FLYWCH1: variants seen among roughly 807,000 people sequenced by gnomAD.
The protein encoded by FLYWCH1 is FLYWCH-type zinc finger-containing protein 1.
Under a neutral mutation model 66.4 loss-of-function variants are expected in FLYWCH1, and 75 were observed. The ratio of observed to expected loss-of-function variants is 1.13; its 90% CI spans 0.94 to 1.37. The LOEUF (loss-of-function observed/expected upper bound fraction) is 1.37, where lower values mean the gene tolerates loss of function less well. Ranked by LOEUF, FLYWCH1 falls within the 40% of genes most tolerant of loss-of-function variation. The pLI, the probability that FLYWCH1 is intolerant of heterozygous loss-of-function variation, is 0.00. For missense variants in FLYWCH1, 1,334 were observed against 1,001.8 expected (o/e 1.33, Z -4.48); for synonymous variants, 595 against 429.9 (o/e 1.38, Z -4.75).
At chr16:2,936,768 G>A (rs565701534) in intron 6 of FLYWCH1, 3 of 504,864 alleles carry the variant, frequency 5.9e-6, no homozygotes, top group African/African-American at 3.8e-5. Context: ...GAGGGCCCCG[G>A]GTCATTCCTC....
intron 4 of FLYWCH1, among the ~76,000 whole-genome samples, chr16:2,931,532 C>G (rs2070762234): frequency 6.6e-6 from 1 of 151,754 alleles, no homozygotes; most frequent in African/African-American, 2.4e-5. Context: ...GGGAGGATCA[C>G]TTAAGCTAGG....
In FLYWCH1 at chr16:2,938,420, G is replaced by C; in HGVS notation, c.2014G>C (p.Glu672Gln). The C allele has an allele frequency of 3.3e-6, 5 of 1,536,596 alleles. No individual in the cohort carries two copies. The highest frequency in any genetic ancestry group is 4.4e-6 in the Non-Finnish European group (5 of 1,141,862). ...LAGLEALRQRERLPTTAQQED... is the reference protein window; with the variant it reads ...LAGLEALRQRQRLPTTAQQED... ...AGGCCTGGAGGCCTTGAGGCAACGGGAGCGGCTCCCCACCACGGCCCAGCA... is the reference window on the plus strand; with the variant it reads ...AGGCCTGGAGGCCTTGAGGCAACGGCAGCGGCTCCCCACCACGGCCCAGCA... The change falls in exon 8 of 10, where the codon GAG (glutamate) becomes CAG (glutamine). Residue 672 changes from glutamate (E) to glutamine (Q), a missense_variant. Coordinates refer to ENST00000253928, the MANE Select transcript of FLYWCH1 (RefSeq NM_001308068.2).
rs528790343 is a variant in FLYWCH1 at position 2,948,558 on chromosome 16, G to A, written c.2112-130G>A. 1,141 of 938,752 alleles carry A rather than the reference G, an allele frequency of 1.2e-3. 2 individuals are homozygous for A. The highest frequency in any genetic ancestry group is 1.6e-3 in the Non-Finnish European group (977 of 610,724). The allele number at this position is 938,752 out of a possible 1,614,324, so 58.2% of individuals were successfully genotyped here. Reference sequence around the variant, plus strand: ...AGCCTGGGTGACAGAGCAAGATTCCGTCTCAAAAATAAATGTTCTAGACTG... The same window carrying A: ...AGCCTGGGTGACAGAGCAAGATTCCATCTCAAAAATAAATGTTCTAGACTG... On this transcript the variant is annotated intron_variant, in intron 9 of 9. Transcript: ENST00000253928.
At chr16:2,938,037 C>CAGAGGG in intron 7 of FLYWCH1, 147 bp from the exon 8 acceptor site, 1 of 779,532 alleles carries the variant, frequency 1.3e-6, no homozygotes, top group Non-Finnish European at 2.0e-6. Context: ...CTGCAGGGCC[C>CAGAGGG]AGAGGGGAGG....
Position 2,937,007 on chromosome 16 carries a change from C to T in FLYWCH1, c.1514-114C>T, listed in dbSNP as rs528094647. 10 of 1,279,524 alleles carry T rather than the reference C, an allele frequency of 7.8e-6. No individual in the cohort carries two copies. The Admixed American group carries it at 1.1e-4, about 14-fold the overall frequency. 79.3% of individuals were successfully genotyped at this position (1,279,524 alleles called of 1,614,324 possible). On this transcript the variant is annotated intron_variant, in intron 6 of 9. Transcript: ENST00000253928. Reference sequence around the variant, plus strand: ...GCATCTGTGTCCTGGGCTCCGGGGCCACCTCACTGTGAGGAGGAGGTGTGG... The same window carrying T: ...GCATCTGTGTCCTGGGCTCCGGGGCTACCTCACTGTGAGGAGGAGGTGTGG...
intron 4 of FLYWCH1, among the ~76,000 whole-genome samples, chr16:2,932,452 T>C (rs1021661936): frequency 2.6e-5 from 4 of 152,086 alleles, no homozygotes; most frequent in East Asian, 3.9e-4. Flanking sequence ...TTGTGTAAAT[T>C]GCACATTTGG....
At chr16:2,912,410 C>T (rs890727522) in intron 1 of FLYWCH1, among the ~76,000 whole-genome samples, 9 of 147,442 alleles carry the variant, frequency 6.1e-5, no homozygotes, top group African/African-American at 1.5e-4. Context: ...CGTTTCCTGG[C>T]GGTGTCTGCC....
At chr16:2,934,901 G>T in intron 6 of FLYWCH1, 2 of 209,658 alleles carry the variant, frequency 9.5e-6, no homozygotes, top group Non-Finnish European at 1.9e-5. Context: ...CAGCTACTCA[G>T]TGCACTTCTT....
intron 2 of FLYWCH1, among the ~76,000 whole-genome samples, chr16:2,920,690 T>TGCCC: frequency 6.6e-6 from 1 of 151,424 alleles, no homozygotes; most frequent in Non-Finnish European, 1.5e-5. Context: ...TGCAGGCATA[T>TGCCC]GCCACCATGC....
intron 2 of FLYWCH1, among the ~76,000 whole-genome samples, chr16:2,925,634 T>C (rs1019899298): frequency 6.6e-6 from 1 of 150,524 alleles, no homozygotes; most frequent in African/African-American, 2.4e-5. Flanking sequence ...GCCGCTCTGC[T>C]CGAGAGGCGC....
chr16:2,933,970 G>A lies in FLYWCH1; in HGVS notation c.1504G>A (p.Gly502Arg), dbSNP rs939446540. ...REKRPNTAQR[G>R]SPGGPEFLKT... ...GAAACGCCCCAACACGGCGCAGCGG[G>A]GGAGCCCAGGTACCTGGGGGTGGGC... is the stretch of plus-strand genomic sequence containing the variant. Residue 502 changes from glycine (G) to arginine (R), a missense_variant, in exon 6 of 10, where the codon GGG becomes AGG. Physicochemically the swap from Gly to Arg is moderately radical, Grantham distance 125. Coordinates refer to ENST00000253928, the MANE Select transcript of FLYWCH1 (RefSeq NM_001308068.2). 1 of 1,535,554 alleles carries A rather than the reference G, an allele frequency of 6.5e-7. No individual in the cohort carries two copies. Among genetic ancestry groups the A allele is most frequent in the African/African-American group, 1.4e-5 (1 of 73,108 alleles).
In FLYWCH1 at chr16:2,930,720, G is replaced by A. The variant is rs1596372441; in HGVS notation, c.636G>A (p.Val212=). Residue 212 remains valine (V), a synonymous_variant, in exon 4 of 10, where the codon GTG becomes GTA. Transcript: ENST00000253928. ...PQGPEGPGGR[V]EEPLEGVGPW... is the part of the protein sequence containing the mutation. ...GTCCTGAGGGCCCTGGAGGCCGAGT[G>A]GAGGAGCCCCTGGAGGGGGTGGGCC... 1 of 1,548,332 alleles carries A rather than the reference G, an allele frequency of 6.5e-7. No homozygotes were observed. Among genetic ancestry groups the A allele is most frequent in the African/African-American group, 1.4e-5 (1 of 73,270 alleles).
At chr16:2,938,531 G>A in intron 8 of FLYWCH1, 75 bp downstream of exon 8, 1 of 1,407,570 alleles carries the variant, frequency 7.1e-7, no homozygotes, top group South Asian at 1.6e-5. Context: ...GATGCCCCAG[G>A]CCAGGCACCC....
intron 2 of FLYWCH1, among the ~76,000 whole-genome samples, chr16:2,919,489 C>T (rs914645007): frequency 5.9e-5 from 9 of 152,026 alleles, no homozygotes; most frequent in Admixed American, 3.3e-4. Flanking sequence ...TGGTTTCGAT[C>T]TCTTGACCTC....
chr16:2,931,478 T>C (rs77510829), intron 4 of FLYWCH1, among the ~76,000 whole-genome samples: 6,851 of 149,816 alleles, frequency 0.046, 230 homozygotes, highest in Middle Eastern at 0.11. Flanking sequence ...CAGCCAGCTG[T>C]TGTGGTGTGT....
At position 2,941,606 on chromosome 16, in the gene FLYWCH1, G is replaced by C. The variant is rs111662165; in HGVS notation, c.2111+1514G>C. Among the ~76,000 whole-genome samples, 227 of 151,494 alleles carry C rather than the reference G, an allele frequency of 1.5e-3. 1 individual carries two copies. The highest frequency in any genetic ancestry group is 5.1e-3 in the African/African-American group (209 of 41,320). ...AAATGAATAAACAGGGCCAAGCATG[G>C]TGGCTCACACCTGTAATCCTAGCAT... On this transcript the variant is annotated intron_variant, in intron 9 of 9. Transcript: ENST00000253928.
intron 9 of FLYWCH1, among the ~76,000 whole-genome samples, chr16:2,941,196 T>G (rs2071247965): frequency 6.6e-6 from 1 of 152,184 alleles, no homozygotes; most frequent in Non-Finnish European, 1.5e-5. Context: ...CTCACGCCTG[T>G]AATCTCAACA....
At chr16:2,917,519 A>T (rs932799002) in intron 2 of FLYWCH1, among the ~76,000 whole-genome samples, 25 of 151,938 alleles carry the variant, frequency 1.6e-4, no homozygotes, top group African/African-American at 6.0e-4. Flanking sequence ...GTGAGCCACC[A>T]TGCCCGGCCG....
chr16:2,924,731 T>C (rs920647112), intron 2 of FLYWCH1, among the ~76,000 whole-genome samples: 1 of 152,144 alleles, frequency 6.6e-6, no homozygotes, highest in Non-Finnish European at 1.5e-5. Context: ...CTGTGGACTT[T>C]AACGGGCGGA....
Sources: allele counts gnomAD v4.1 joint callset (sites outside exome capture counted in the v4.1 genomes callset), GRCh38; gene constraint gnomAD v4.1.1; transcripts MANE v1.5; gene names NCBI Gene and HGNC (gene_info 2026-07-23, HGNC 2026-07-21).